PXDNL: variants seen among roughly 807,000 people sequenced by gnomAD.
PXDNL encodes peroxidasin like.
PXDNL carries 145 observed loss-of-function variants against 150.8 expected under a neutral mutation model. The observed-to-expected ratio is 0.96, with a 90% confidence interval of 0.84 to 1.10. The LOEUF (loss-of-function observed/expected upper bound fraction) is 1.10. Among genes scored for constraint, PXDNL ranks in the 50% least tolerant of loss-of-function variants. The probability of loss-of-function intolerance (pLI) is 0.00; values close to 1 mark genes in which losing one functional copy is unlikely to be tolerated. For missense variants in PXDNL, 2,087 were observed against 1,873.9 expected (o/e 1.11, Z -2.10); for synonymous variants, 757 against 725.7 (o/e 1.04, Z -0.69).
chr8:51,615,532 G>T (rs1424920977), intron 2 of PXDNL, among the ~76,000 whole-genome samples: 2 of 151,804 alleles, frequency 1.3e-5, no homozygotes, highest in Non-Finnish European at 2.9e-5. Context: ...AGAGTCTGGG[G>T]GGAAAAGAGA....
At position 51,409,164 on chromosome 8, in the gene PXDNL, C is replaced by A. The variant is rs1444804247; in HGVS notation, c.2460G>T (p.Ala820=). The change falls in exon 17 of 23, where the codon GCG becomes GCT. Residue 820 remains alanine, a synonymous_variant. Coordinates refer to ENST00000356297, the MANE Select transcript of PXDNL (RefSeq NM_144651.5). ...CATCCGAGAAGCGGGCTGTGCTCAG[C>A]GCAGGCACTGTGTGGTCCAAGTCGT... ...LEHDLDHTVP[A]LSTARFSDGR... is the part of the protein sequence containing the mutation. The A allele has an allele frequency of 6.2e-7, 1 of 1,600,438 alleles. No individual in the cohort carries two copies. The highest frequency in any genetic ancestry group is 8.5e-7 in the Non-Finnish European group (1 of 1,177,224).
At chr8:51,669,023 C>T (rs1316623429) in intron 1 of PXDNL, among the ~76,000 whole-genome samples, 1 of 152,068 alleles carries the variant, frequency 6.6e-6, no homozygotes, top group Non-Finnish European at 1.5e-5. Flanking sequence ...AACACAGTAG[C>T]TTGCATACTG....
At chr8:51,364,865 A>C (rs1806866190) in intron 19 of PXDNL, among the ~76,000 whole-genome samples, 1 of 152,234 alleles carries the variant, frequency 6.6e-6, no homozygotes, top group Admixed American at 6.5e-5. Context: ...CAATGATTAG[A>C]AATTTATCCC....
chr8:51,724,697 G>A (rs752168563), intron 1 of PXDNL, among the ~76,000 whole-genome samples: 15 of 152,070 alleles, frequency 9.9e-5, no homozygotes, highest in African/African-American at 2.2e-4. Flanking sequence ...TGTGTGGGTC[G>A]CCCCAGCCCT....
chr8:51,778,108 G>A (rs1237751231), intron 1 of PXDNL, among the ~76,000 whole-genome samples: 1 of 152,004 alleles, frequency 6.6e-6, no homozygotes, highest in African/African-American at 2.4e-5. Context: ...AAGCAGAGGC[G>A]AGTATATCAC....
At chr8:51,602,578 A>G (rs1389684926) in intron 2 of PXDNL, among the ~76,000 whole-genome samples, 4 of 151,886 alleles carry the variant, frequency 2.6e-5, no homozygotes, top group Non-Finnish European at 5.9e-5. Context: ...CAAAATTCAA[A>G]TGTTATTTGA....
chr8:51,765,347 T>C (rs1381894485), intron 1 of PXDNL, among the ~76,000 whole-genome samples: 6 of 152,208 alleles, frequency 3.9e-5, no homozygotes, highest in African/African-American at 1.2e-4. Context: ...CCTGCCACCA[T>C]GTAAGACATG....
intron 17 of PXDNL, among the ~76,000 whole-genome samples, chr8:51,379,948 G>A (rs1807481285): frequency 6.6e-6 from 1 of 151,964 alleles, no homozygotes; most frequent in Non-Finnish European, 1.5e-5. Context: ...CTTTCAAATA[G>A]GATATTTCCA....
chr8:51,570,643 C>T (rs1216286633), intron 3 of PXDNL, among the ~76,000 whole-genome samples: 1 of 151,788 alleles, frequency 6.6e-6, no homozygotes, highest in African/African-American at 2.4e-5. Flanking sequence ...ACAATACTAC[C>T]ATGGGAAGCT....
chr8:51,677,868 G>C (rs780449964), intron 1 of PXDNL, among the ~76,000 whole-genome samples: 2 of 152,140 alleles, frequency 1.3e-5, no homozygotes, highest in Non-Finnish European at 2.9e-5. Flanking sequence ...GTATTTGGTA[G>C]CTGCACTAAA....
At chr8:51,355,743 C>T (rs1393083212) in intron 19 of PXDNL, among the ~76,000 whole-genome samples, 1 of 152,164 alleles carries the variant, frequency 6.6e-6, no homozygotes, top group East Asian at 1.9e-4. Context: ...AGATTGGTAA[C>T]AAGAACTTGT....
At chr8:51,471,736 G>A (rs914534552) in intron 8 of PXDNL, among the ~76,000 whole-genome samples, 9 of 151,256 alleles carry the variant, frequency 6.0e-5, no homozygotes, top group African/African-American at 2.2e-4. Context: ...GCCCAGGCTG[G>A]AGTGCAGTGG....
At chr8:51,330,786 G>A (rs1016722321) in intron 21 of PXDNL, among the ~76,000 whole-genome samples, 46 of 152,206 alleles carry the variant, frequency 3.0e-4, no homozygotes, top group African/African-American at 9.4e-4. Context: ...CATTGCAATA[G>A]CCCCTAAAGT....
chr8:51,516,145 G>A (rs1197541081), intron 4 of PXDNL, among the ~76,000 whole-genome samples: 1 of 152,110 alleles, frequency 6.6e-6, no homozygotes, highest in Non-Finnish European at 1.5e-5. Flanking sequence ...ATAAAATTAT[G>A]TAACTTTAAA....
rs1444309718 is a variant in PXDNL at position 51,361,389 on chromosome 8, T to A, written c.3901+10484A>T. Among the ~76,000 whole-genome samples the A allele has an allele frequency of 2.0e-5, 3 of 152,168 alleles. No individual in the cohort carries two copies. In the East Asian group the frequency reaches 5.8e-4, roughly 29 times the overall value. Reference sequence around the variant, plus strand: ...TTGTGTTCTACCCCTTCCTTGCACTTTTCTCTTTTTGGTTGCTCAGGTAGA... The same window carrying A: ...TTGTGTTCTACCCCTTCCTTGCACTATTCTCTTTTTGGTTGCTCAGGTAGA... On this transcript the variant is annotated intron_variant, in intron 19 of 22. Transcript: ENST00000356297.
intron 17 of PXDNL, among the ~76,000 whole-genome samples, chr8:51,402,468 G>A (rs1228870239): frequency 6.6e-6 from 1 of 151,978 alleles, no homozygotes; most frequent in African/African-American, 2.4e-5. Context: ...GCAGCAAGCC[G>A]AGATCGCACC....
Position 51,408,999 on chromosome 8 carries a change from A to G in PXDNL, c.2625T>C (p.Ser875=), listed in dbSNP as rs1184966890. The G allele has an allele frequency of 5.0e-6, 8 of 1,611,488 alleles. No homozygotes were observed. In the East Asian group the frequency reaches 8.9e-5, roughly 18 times the overall value. Residue 875 remains serine, a synonymous_variant, in exon 17 of 23, where the codon TCT becomes TCC. Transcript: ENST00000356297. ...SSPACASGRP[S]ATVDSVYARE... is the part of the protein sequence containing the mutation. ...GTGCATAGACTGAATCCACCGTCGC[A>G]GAGGGACGGCCGCTGGCACACGCGG... is the stretch of plus-strand genomic sequence containing the variant.
chr8:51,477,603 A>T (rs1187465908), intron 6 of PXDNL, among the ~76,000 whole-genome samples: 3 of 152,222 alleles, frequency 2.0e-5, no homozygotes, highest in Non-Finnish European at 2.9e-5. Flanking sequence ...TCGTAATTTT[A>T]TCAAAAAGGA....
chr8:51,702,500 G>A (rs546722736), intron 1 of PXDNL, among the ~76,000 whole-genome samples: 7 of 152,286 alleles, frequency 4.6e-5, no homozygotes, highest in Admixed American at 3.9e-4. Flanking sequence ...GAACTTGCAG[G>A]TCAGAATCAA....
Sources: gnomAD v4.1 joint callset for allele counts (sites outside exome capture counted in the v4.1 genomes callset) on GRCh38, gnomAD v4.1.1 for gene constraint, MANE v1.5 for transcripts, NCBI Gene and HGNC (gene_info 2026-07-23, HGNC 2026-07-21) for gene names.